Variants in PLK4 observed in about 807,000 individuals in gnomAD.
PLK4 encodes polo like kinase 4.
PLK4 carries 51 observed loss-of-function variants against 103.0 expected under a neutral mutation model. The observed-to-expected ratio is 0.50, with a 90% CI of 0.40 to 0.63. PLK4 has a LOEUF of 0.63. Ranked by LOEUF, PLK4 falls within the 20% of genes least tolerant of loss-of-function variation. PLK4 has a pLI of 0.00. For missense variants in PLK4, 1,054 were observed against 1,151.0 expected, an observed-to-expected ratio of 0.92 and a Z score of 1.22; for synonymous variants, 389 against 376.8, an observed-to-expected ratio of 1.03 and a Z score of -0.38.
At position 127,886,507 on chromosome 4, in the gene PLK4, T is replaced by C. The variant is rs762983155; in HGVS notation, c.1137T>C (p.Ser379=). The change falls in exon 5 of 16, where the codon TCT becomes TCC. Residue 379 remains serine (S), a synonymous_variant. Transcript: ENST00000270861. The stretch of plus-strand genomic sequence containing the variant: ...GATACCTTCGTAGAGCTTATTCCTC[T>C]GATAGATCTGGCACTTCTAATAGTC... ...HSRYLRRAYS[S]DRSGTSNSQS... 1 of 1,613,892 alleles carries C rather than the reference T, an allele frequency of 6.2e-7. No individual in the cohort carries two copies. The highest frequency in any genetic ancestry group is 1.1e-5 in the South Asian group (1 of 91,076).
In PLK4 at chr4:127,883,267, T is replaced by C; in HGVS notation, c.132T>C (p.Asp44=). 2 of 1,536,650 alleles carry C rather than the reference T, an allele frequency of 1.3e-6. No individual in the cohort carries two copies. The highest frequency in any genetic ancestry group is 1.8e-6 in the Non-Finnish European group (2 of 1,120,676). The change falls in exon 3 of 16, where the codon GAT becomes GAC. Residue 44 remains aspartate, a synonymous_variant. Coordinates refer to ENST00000270861, the MANE Select transcript of PLK4 (RefSeq NM_014264.5). The part of the protein sequence containing the change: ...TGLEVAIKMI[D]KKAMYKAGMV... ...TTTAAACCTGTTATTTTTAGATAGA[T>C]AAGAAAGCCATGTACAAAGCAGGAA...
chr4:127,883,168 T>G, intron 2 of PLK4, 94 bp from the exon 3 acceptor site: 1 of 656,816 alleles, frequency 1.5e-6, no homozygotes, highest in Non-Finnish European at 2.7e-6. Context: ...ATAAAAGGAC[T>G]TCAGTCTATT....
chr4:127,883,454 G>T lies in PLK4; in HGVS notation c.238G>T (p.Glu80Ter). The T allele has an allele frequency of 6.7e-7, 1 of 1,499,240 alleles. No individual in the cohort carries two copies. Among genetic ancestry groups the T allele is most frequent in the Non-Finnish European group, 9.3e-7 (1 of 1,077,224 alleles). 92.9% of individuals were successfully genotyped at this position (1,499,240 alleles called of 1,614,324 possible). The change falls in exon 4 of 16, where the codon GAA becomes TAA. Residue 80 changes from glutamate (E) to a stop codon, truncating the protein, a stop_gained. Coordinates refer to ENST00000270861, the MANE Select transcript of PLK4 (RefSeq NM_014264.5). LOFTEE classifies it high-confidence loss of function. ...CACATTTCAGCTTTATAACTATTTT[G>T]AAGATAGCAATTATGTGTATCTGGT... ...PSILELYNYF[E>*]DSNYVYLVLE...
chr4:127,895,205 G>A, intron 14 of PLK4, 112 bp downstream of exon 14: 1 of 736,030 alleles, frequency 1.4e-6, no homozygotes, highest in Non-Finnish European at 2.1e-6. Context: ...CTTTTTACAA[G>A]GAAGTTTTTG....
rs141148098 is a variant in PLK4, at chr4:127,883,512, G to T, written c.296G>T (p.Arg99Met). 20 of 1,547,106 alleles carry T rather than the reference G, an allele frequency of 1.3e-5. No homozygotes were observed. Among genetic ancestry groups the T allele is most frequent in the Non-Finnish European group, 2.7e-6 (3 of 1,120,222 alleles). Residue 99 changes from arginine to methionine, a missense_variant, in exon 4 of 16, where the codon AGG (arginine) becomes ATG (methionine). Physicochemically the swap from Arg to Met is moderately conservative, Grantham distance 91. This residue lies in a region of PLK4 where 199 missense variants were observed against 270.1 expected (regional missense o/e 0.74). Coordinates refer to ENST00000270861, the MANE Select transcript of PLK4 (RefSeq NM_014264.5). ...ATGTGCCATAATGGAGAAATGAACA[G>T]GTATCTAAAGAATAGAGTGAAACCC... ...LEMCHNGEMN[R>M]YLKNRVKPFS...
Position 127,881,061 on chromosome 4 carries a change from C to G in PLK4, c.-74C>G, listed in dbSNP as rs1734896263. 1.3e-6 allele frequency: 2 copies of G among 1,559,948 alleles called. No homozygotes were observed. Among genetic ancestry groups the G allele is most frequent in the Non-Finnish European group, 1.8e-6 (2 of 1,132,706 alleles). ...CCTGATGGGCGCCAAGGCCGGCTGG[C>G]TGCTTGGAGCGCTGCCTCGAAGGGA... On this transcript the variant is annotated 5_prime_UTR_variant, in exon 1 of 16. Coordinates refer to ENST00000270861, the MANE Select transcript of PLK4 (RefSeq NM_014264.5).
At chr4:127,883,991 C>G (rs1735026585) in intron 4 of PLK4, among the ~76,000 whole-genome samples, 1 of 152,178 alleles carries the variant, frequency 6.6e-6, no homozygotes. Context: ...ACTAGTGACT[C>G]ATGGTCATAT....
In PLK4 at chr4:127,881,852, C is replaced by A. The variant is rs751605196; in HGVS notation, c.52C>A (p.Leu18Ile). The A allele has an allele frequency of 2.5e-6, 4 of 1,605,562 alleles. No individual in the cohort carries two copies. In the Admixed American group the frequency reaches 6.7e-5, roughly 27 times the overall value. Reference sequence around the variant, plus strand: ...TAAGGATTTTAAAGTTGGAAATCTGCTTGGTAAAGGATCATTTGCTGGTGT... The same window carrying A: ...TAAGGATTTTAAAGTTGGAAATCTGATTGGTAAAGGATCATTTGCTGGTGT... Reference protein sequence around the residue: ...KIEDFKVGNLLGKGSFAGVYR... With the variant: ...KIEDFKVGNLIGKGSFAGVYR... Residue 18 changes from leucine (L) to isoleucine (I), a missense_variant, in exon 2 of 16, where the codon CTT (leucine) becomes ATT (isoleucine). Coordinates refer to ENST00000270861, the MANE Select transcript of PLK4 (RefSeq NM_014264.5).
At chr4:127,897,824 C>CTTGTTTTTT (rs1735626662) in intron 15 of PLK4, among the ~76,000 whole-genome samples, 1 of 28,802 alleles carries the variant, frequency 3.5e-5, no homozygotes, top group Non-Finnish European at 6.4e-5. Flanking sequence ...AGAATTAGGG[C>CTTGTTTTTT]TTTTTTTTTT....
At chr4:127,893,170 A>C in intron 10 of PLK4, 115 bp from the exon 11 acceptor site, 1 of 554,780 alleles carries the variant, frequency 1.8e-6, no homozygotes, top group South Asian at 3.7e-5. Context: ...TCAATAAATG[A>C]ATAAAAATGA....
intron 1 of PLK4, 32 bp from the exon 2 acceptor site, chr4:127,881,799 A>G (rs1734940768): frequency 8.1e-7 from 1 of 1,228,250 alleles, no homozygotes; most frequent in Non-Finnish European, 1.2e-6. Context: ...ACTGTGAGTC[A>G]TCACACATAA....
At chr4:127,893,931 T>C (rs1735464307) in intron 13 of PLK4, 50 bp downstream of exon 13, 1 of 976,712 alleles carries the variant, frequency 1.0e-6, no homozygotes, top group East Asian at 2.4e-5. Context: ...AATGATTGCC[T>C]GATGCCCTTC....
chr4:127,885,625 G>A, intron 4 of PLK4, 83 bp from the exon 5 acceptor site: 3 of 1,071,100 alleles, frequency 2.8e-6, no homozygotes, highest in Non-Finnish European at 4.1e-6. Context: ...ATTTACCTGG[G>A]TTTCATAATG....
At chr4:127,893,971 T>A in intron 13 of PLK4, 90 bp downstream of exon 13, 1 of 743,878 alleles carries the variant, frequency 1.3e-6, no homozygotes, top group Non-Finnish European at 2.3e-6. Context: ...GGCTTTACTA[T>A]CATCTACGTA....
Position 127,883,187 on chromosome 4 carries a change from T to C in PLK4, c.127-75T>C, listed in dbSNP as rs371079132. On this transcript the variant is annotated intron_variant, in intron 2 of 15. Coordinates refer to ENST00000270861, the MANE Select transcript of PLK4 (RefSeq NM_014264.5). ...AAGGACTTCAGTCTATTTTAAAGTA[T>C]ACTTTATTTTCAAAGTTCACTTTTA... 2.1e-4 allele frequency: 157 copies of C among 737,472 alleles called. No individual in the cohort carries two copies. The African/African-American group carries it at 2.6e-3, about 12-fold the overall frequency. 45.7% of individuals were successfully genotyped at this position (737,472 alleles called of 1,614,324 possible).
chr4:127,885,917 G>A lies in PLK4; in HGVS notation c.547G>A (p.Ala183Thr). ...TCCTAACTACATTTCACCAGAAATT[G>A]CCACTCGAAGTGCACATGGCCTTGA... ...GTPNYISPEI[A>T]TRSAHGLESD... Residue 183 changes from alanine (A) to threonine (T), a missense_variant, in exon 5 of 16, where the codon GCC becomes ACC. Physicochemically the swap from Ala to Thr is moderately conservative, Grantham distance 58. Transcript: ENST00000270861. 3 of 1,614,050 alleles carry A rather than the reference G, an allele frequency of 1.9e-6. No individual in the cohort carries two copies. Among genetic ancestry groups the A allele is most frequent in the Non-Finnish European group, 2.5e-6 (3 of 1,179,954 alleles).
chr4:127,881,338 C>T, intron 1 of PLK4, 174 bp downstream of exon 1: 1 of 1,462,826 alleles, frequency 6.8e-7, no homozygotes, highest in Non-Finnish European at 9.0e-7. Context: ...GCGGCCCGCC[C>T]CTCAAGAGAC....
chr4:127,893,259 A>G (rs757013739), intron 10 of PLK4, 26 bp from the exon 11 acceptor site: 2 of 1,409,034 alleles, frequency 1.4e-6, no homozygotes, highest in Non-Finnish European at 2.0e-6. Context: ...GGATAAGAGA[A>G]CAGTTTTCTG....
chr4:127,890,240 T>C lies in PLK4; in HGVS notation c.1830+4T>C. 6.3e-7 allele frequency: 1 copy of C among 1,584,962 alleles called. No individual in the cohort carries two copies. Among genetic ancestry groups the C allele is most frequent in the Non-Finnish European group, 8.6e-7 (1 of 1,166,346 alleles). ...ACAGAAAACCAAAAAGGCTGTGGTA[T>C]GTCTGTTATCTTCTTAAGTTACTAA... On this transcript the variant is annotated splice_donor_region_variant and intron_variant, in intron 7 of 15. Transcript: ENST00000270861.
Sources: allele counts gnomAD v4.1 joint callset (sites outside exome capture counted in the v4.1 genomes callset), GRCh38; gene constraint gnomAD v4.1.1; regional missense constraint gnomAD v4.1.1; transcripts MANE v1.5; gene names NCBI Gene and HGNC (gene_info 2026-07-23, HGNC 2026-07-21).